Variants in PLCL2 observed in about 807,000 individuals in gnomAD.
PLCL2 encodes the protein inactive phospholipase C-like protein 2.
Under a neutral mutation model 79.6 loss-of-function variants are expected in PLCL2, and 4 were observed. The observed-to-expected ratio is 0.05, with a 90% confidence interval of 0.02 to 0.11. The LOEUF (loss-of-function observed/expected upper bound fraction) is 0.11, where lower values mean the gene tolerates loss of function less well. Among genes scored for constraint, PLCL2 ranks in the 10% least tolerant of loss-of-function variants. The probability of loss-of-function intolerance (pLI) is 1.00; values close to 1 mark genes in which losing one functional copy is unlikely to be tolerated. For synonymous variants in PLCL2, 484 were observed against 457.7 expected, an observed-to-expected ratio of 1.06 and a Z score of -0.73; for missense variants, 895 against 1,291.0, an observed-to-expected ratio of 0.69 and a Z score of 4.70.
intron 5 of PLCL2, among the ~76,000 whole-genome samples, chr3:17,078,414 C>A (rs2065128764): frequency 6.6e-6 from 1 of 151,276 alleles, no homozygotes; most frequent in Admixed American, 6.6e-5. Context: ...AGAAGGTACT[C>A]ACATGGCTGG....
intron 1 of PLCL2, among the ~76,000 whole-genome samples, chr3:16,980,563 C>T (rs1291835158): frequency 6.6e-6 from 1 of 151,840 alleles, no homozygotes; most frequent in Non-Finnish European, 1.5e-5. Context: ...ACGCTCCTCA[C>T]TTCCCAGATG....
chr3:16,894,743 T>C (rs1311204129), intron 1 of PLCL2, among the ~76,000 whole-genome samples: 1 of 152,174 alleles, frequency 6.6e-6, no homozygotes. Context: ...GCCATTTGGA[T>C]ATTCTCTTTT....
intron 1 of PLCL2, among the ~76,000 whole-genome samples, chr3:16,974,183 G>A (rs1258438166): frequency 2.0e-5 from 3 of 152,132 alleles, no homozygotes; most frequent in Non-Finnish European, 2.9e-5. Context: ...AGGGACTTGT[G>A]GGCCATCTTA....
intron 4 of PLCL2, among the ~76,000 whole-genome samples, chr3:17,062,508 C>T (rs1207500215): frequency 6.6e-6 from 1 of 152,220 alleles, no homozygotes; most frequent in African/African-American, 2.4e-5. Context: ...TCCTCCCCCT[C>T]TGTCTTTAAT....
chr3:17,076,945 G>A (rs2065114601), intron 5 of PLCL2, among the ~76,000 whole-genome samples: 1 of 151,986 alleles, frequency 6.6e-6, no homozygotes, highest in South Asian at 2.1e-4. Context: ...TCATGTTTCT[G>A]TTCATGCTAG....
intron 3 of PLCL2, among the ~76,000 whole-genome samples, chr3:17,028,169 AGT>A (rs1254875869): frequency 6.6e-6 from 1 of 150,382 alleles, no homozygotes; most frequent in African/African-American, 2.5e-5. Flanking sequence ...AATTGGGTAG[AGT>A]TAGTGAGCAG....
intron 5 of PLCL2, among the ~76,000 whole-genome samples, chr3:17,089,462 A>T (rs1420214184): frequency 6.6e-6 from 1 of 152,212 alleles, no homozygotes; most frequent in Non-Finnish European, 1.5e-5. Context: ...ACCAGGATAG[A>T]CAGGAATAGT....
chr3:16,904,688 T>C (rs1227089583), intron 1 of PLCL2, among the ~76,000 whole-genome samples: 1 of 152,160 alleles, frequency 6.6e-6, no homozygotes, highest in Non-Finnish European at 1.5e-5. Context: ...CATCTTGAAT[T>C]GTAGTTCCCG....
chr3:17,054,744 C>T (rs1176135892), intron 4 of PLCL2, among the ~76,000 whole-genome samples: 1 of 152,140 alleles, frequency 6.6e-6, no homozygotes, highest in Non-Finnish European at 1.5e-5. Context: ...GATTATATTT[C>T]AACATGAGAT....
At chr3:16,990,917 A>C (rs2064098558) in intron 1 of PLCL2, among the ~76,000 whole-genome samples, 1 of 152,220 alleles carries the variant, frequency 6.6e-6, no homozygotes, top group Non-Finnish European at 1.5e-5. Context: ...TGCCACCCAA[A>C]GGTTGTCAAC....
chr3:16,997,378 A>G (rs970547864), intron 1 of PLCL2, among the ~76,000 whole-genome samples: 1 of 152,194 alleles, frequency 6.6e-6, no homozygotes, highest in Non-Finnish European at 1.5e-5. Flanking sequence ...AAGAGAGAAC[A>G]CTGAGGGCTG....
chr3:17,058,996 G>A (rs62247190), intron 4 of PLCL2, among the ~76,000 whole-genome samples: 32,103 of 152,010 alleles, frequency 0.21, 3,794 homozygotes, highest in East Asian at 0.54. Flanking sequence ...AGGGAAGCCC[G>A]TATGGCAGTA....
At chr3:16,929,151 C>G (rs1697333367) in intron 1 of PLCL2, among the ~76,000 whole-genome samples, 2 of 114 alleles carry the variant, frequency 0.018, no homozygotes, top group African/African-American at 0.048. Context: ...TGATACTAAG[C>G]ACAGGAGTGA....
chr3:17,011,279 G>A lies in PLCL2; in HGVS notation c.1933G>A (p.Val645Ile). The A allele has an allele frequency of 1.2e-6, 2 of 1,614,254 alleles. No individual in the cohort carries two copies. Among genetic ancestry groups the A allele is most frequent in the Non-Finnish European group, 1.7e-6 (2 of 1,180,044 alleles). The change falls in exon 2 of 6, where the codon GTC becomes ATC. Residue 645 changes from valine (V) to isoleucine (I), a missense_variant. Around this residue, in one of 6 missense-constraint regions of PLCL2, gnomAD observed 242 missense variants for 399.5 expected, o/e 0.61. Coordinates refer to ENST00000615277, the MANE Select transcript of PLCL2 (RefSeq NM_001144382.2). The surrounding 1 kb of genome is among the most constrained non-coding windows in gnomAD (Gnocchi z 7.9). ...GTTTCAGGTTCAGAAGTACTGGGAA[G>A]TCTGTTCCTTTAATGAAGTGCTTGC... ...VSFQVQKYWE[V>I]CSFNEVLASK... is the part of the protein sequence containing the mutation.
intron 1 of PLCL2, among the ~76,000 whole-genome samples, chr3:16,970,424 G>A (rs1183477388): frequency 1.3e-5 from 2 of 149,278 alleles, no homozygotes; most frequent in South Asian, 4.3e-4. Context: ...GTATTCCATG[G>A]TGTATATGTG....
intron 1 of PLCL2, among the ~76,000 whole-genome samples, chr3:16,997,183 A>G (rs150945536): frequency 2.9e-4 from 44 of 152,330 alleles, no homozygotes; most frequent in African/African-American, 9.9e-4. Context: ...AAGATTTTCT[A>G]TTCTGACTAT....
chr3:16,995,276 G>C (rs2064142319), intron 1 of PLCL2, among the ~76,000 whole-genome samples: 1 of 152,266 alleles, frequency 6.6e-6, no homozygotes, highest in Non-Finnish European at 1.5e-5. Context: ...GTGATTCTTA[G>C]TGTGGTAAAA....
At chr3:16,958,581 A>G (rs2063727389) in intron 1 of PLCL2, among the ~76,000 whole-genome samples, 1 of 152,232 alleles carries the variant, frequency 6.6e-6, no homozygotes, top group Non-Finnish European at 1.5e-5. Flanking sequence ...TGAAACAAAT[A>G]TTAGAAAGAA....
At chr3:17,030,847 A>C (rs773055627) in intron 3 of PLCL2, among the ~76,000 whole-genome samples, 1 of 152,224 alleles carries the variant, frequency 6.6e-6, no homozygotes, top group Non-Finnish European at 1.5e-5. Context: ...TTACAGTAAG[A>C]CTATGATTAA....
Sources: gnomAD v4.1 joint callset for allele counts (sites outside exome capture counted in the v4.1 genomes callset) on GRCh38, gnomAD v4.1.1 for gene constraint, gnomAD v4.1.1 regional missense constraint, Gnocchi (gnomAD v3.1) non-coding constraint, MANE v1.5 for transcripts, NCBI Gene and HGNC (gene_info 2026-07-23, HGNC 2026-07-21) for gene names.